The following UTRN variants were observed in gnomAD, a reference collection of about 807,000 sequenced individuals.
UTRN encodes dystrophin-related protein 1.
Under a neutral mutation model 463.9 loss-of-function variants are expected in UTRN, and 283 were observed. The observed-to-expected ratio is 0.61, with a 90% CI of 0.55 to 0.67. The LOEUF (loss-of-function observed/expected upper bound fraction) is 0.67, where lower values mean the gene tolerates loss of function less well. Among genes scored for constraint, UTRN ranks in the 30% least tolerant of loss-of-function variants. UTRN has a pLI of 0.00. For missense variants in UTRN, 3,922 were observed against 4,084.3 expected (o/e 0.96, Z 1.08); for synonymous variants, 1,442 against 1,431.5 (o/e 1.01, Z -0.17).
At chr6:144,800,523 A>G (rs1183017140) in intron 64 of UTRN, among the ~76,000 whole-genome samples, 1 of 152,160 alleles carries the variant, frequency 6.6e-6, no homozygotes, top group Admixed American at 6.5e-5. Flanking sequence ...GTGTATTGAG[A>G]AGTAGCTCTG....
rs2066054 is a variant in UTRN, at chr6:144,827,554, A to C, written c.9534-57A>C. 0.51 allele frequency: 815,951 copies of C among 1,605,664 alleles called. 224,322 individuals are homozygous for C. The highest frequency in any genetic ancestry group is 0.97 in the East Asian group (43,413 of 44,658). ...ACTTAAGTAACCTAACATTTCTAAT[A>C]GTAACACCTATCAATATTTGGGCAT... On this transcript the variant is annotated intron_variant, in intron 67 of 74. Coordinates refer to ENST00000367545, the MANE Select transcript of UTRN (RefSeq NM_007124.3).
Position 144,486,546 on chromosome 6 carries a change from G to A in UTRN, c.3823-1002G>A, listed in dbSNP as rs7755880. Among the ~76,000 whole-genome samples, 1,435 of 152,000 alleles carry A rather than the reference G, an allele frequency of 9.4e-3. 25 individuals carry two copies. The highest frequency in any genetic ancestry group is 0.032 in the African/African-American group (1,329 of 41,452). ...CTTATTTATCTTTTTATTTGAGATG[G>A]AATCTTGCTATGTTGCCCAGGCTGG... On this transcript the variant is annotated intron_variant, in intron 28 of 74. Coordinates refer to ENST00000367545, the MANE Select transcript of UTRN (RefSeq NM_007124.3).
chr6:144,332,593 A>G (rs1584314378), intron 2 of UTRN, among the ~76,000 whole-genome samples: 2 of 152,172 alleles, frequency 1.3e-5, no homozygotes, highest in East Asian at 3.8e-4. Context: ...AGGATTCTTT[A>G]AATTGAATAT....
chr6:144,669,596 A>G (rs986458732), intron 51 of UTRN, among the ~76,000 whole-genome samples: 1 of 152,090 alleles, frequency 6.6e-6, no homozygotes, highest in Non-Finnish European at 1.5e-5. Context: ...GCTTTTTAAA[A>G]TTGCAGTAGT....
chr6:144,700,907 A>G (rs1315827073), intron 53 of UTRN, among the ~76,000 whole-genome samples: 1 of 124,112 alleles, frequency 8.1e-6, no homozygotes, highest in Non-Finnish European at 1.7e-5. Flanking sequence ...CTAATTTTGT[A>G]TTTTGTATTT....
At chr6:144,608,430 A>G (rs1383310683) in intron 51 of UTRN, among the ~76,000 whole-genome samples, 1 of 152,204 alleles carries the variant, frequency 6.6e-6, no homozygotes, top group African/African-American at 2.4e-5. Flanking sequence ...CCTCTCTCCC[A>G]GAAATTCAAC....
At chr6:144,656,029 G>A (rs2128669577) in intron 51 of UTRN, among the ~76,000 whole-genome samples, 2 of 152,112 alleles carry the variant, frequency 1.3e-5, no homozygotes, top group Middle Eastern at 6.8e-3. Context: ...GCTTCTCTGT[G>A]GTTCTGGAAC....
At chr6:144,637,250 G>A (rs1292242885) in intron 51 of UTRN, among the ~76,000 whole-genome samples, 2 of 152,146 alleles carry the variant, frequency 1.3e-5, no homozygotes, top group African/African-American at 4.8e-5. Context: ...GATTACAGGC[G>A]TGAGCCACTG....
intron 2 of UTRN, among the ~76,000 whole-genome samples, chr6:144,345,281 G>A (rs1777469165): frequency 6.6e-6 from 1 of 152,178 alleles, no homozygotes; most frequent in Non-Finnish European, 1.5e-5. Context: ...TGGCATAGGA[G>A]ACTGGTGTGC....
At chr6:144,835,702 T>C in intron 69 of UTRN, 78 bp from the exon 70 acceptor site, 6 of 1,575,994 alleles carry the variant, frequency 3.8e-6, no homozygotes, top group Non-Finnish European at 5.2e-6. Flanking sequence ...CTGTCCATCA[T>C]TATTTCTACT....
chr6:144,741,790 G>A (rs6915534), intron 54 of UTRN, among the ~76,000 whole-genome samples: 1,856 of 152,224 alleles, frequency 0.012, 35 homozygotes, highest in African/African-American at 0.041. Context: ...TTGGAGTTGC[G>A]TCTGTCTAGT....
intron 52 of UTRN, among the ~76,000 whole-genome samples, chr6:144,681,643 A>T (rs921462315): frequency 6.6e-6 from 1 of 151,964 alleles, no homozygotes; most frequent in South Asian, 2.1e-4. Context: ...GTGGAAAAAG[A>T]ACTGAGTCTA....
chr6:144,545,713 A>C (rs1408835540), intron 46 of UTRN, among the ~76,000 whole-genome samples: 1 of 151,902 alleles, frequency 6.6e-6, no homozygotes, highest in Admixed American at 6.6e-5. Flanking sequence ...ACACACATCC[A>C]TTTTCCTGAT....
Position 144,635,138 on chromosome 6 carries a change from G to GTT in UTRN, c.7480-43248_7480-43247dup, listed in dbSNP as rs149100143. Among the ~76,000 whole-genome samples the GTT allele has an allele frequency of 8.1e-3, 833 of 102,874 alleles. 5 individuals carry two copies. Among genetic ancestry groups the GTT allele is most frequent in the Middle Eastern group, 0.011 (2 of 180 alleles). The allele number at this position is 102,874 out of a possible 152,430, so 67.5% of individuals were successfully genotyped here. Reference sequence around the variant, plus strand: ...ATCTAAAACCTCCAGTTATTTGTGTGTTTTTTTTTTTTTTTTTTTTTGGAG... The same window carrying GTT: ...ATCTAAAACCTCCAGTTATTTGTGTGTTTTTTTTTTTTTTTTTTTTTTTGGAG... On this transcript the variant is annotated intron_variant, in intron 51 of 74. Coordinates refer to ENST00000367545, the MANE Select transcript of UTRN (RefSeq NM_007124.3).
At position 144,781,930 on chromosome 6, in the gene UTRN, T is replaced by C; in HGVS notation, c.8641T>C (p.Leu2881=). ...RLQKALCLDL[L]ELSTTNEIFK... ...TCTTCTCTCCTGGTTAGTGGATCTC[T>C]TAGAGTTGAGTACAACAAATGAAAT... is the stretch of plus-strand genomic sequence containing the variant. The change falls in exon 61 of 75, where the codon TTA becomes CTA. Residue 2881 remains leucine (L), a synonymous_variant. Coordinates refer to ENST00000367545, the MANE Select transcript of UTRN (RefSeq NM_007124.3). The C allele has an allele frequency of 6.2e-7, 1 of 1,613,704 alleles. No homozygotes were observed. Among genetic ancestry groups the C allele is most frequent in the East Asian group, 2.2e-5 (1 of 44,822 alleles).
intron 2 of UTRN, among the ~76,000 whole-genome samples, chr6:144,298,020 C>T (rs1402536826): frequency 6.6e-6 from 1 of 152,148 alleles, no homozygotes; most frequent in East Asian, 1.9e-4. Context: ...ACATGCAAGA[C>T]TATTTGAGCA....
At chr6:144,331,781 G>C (rs773802309) in intron 2 of UTRN, among the ~76,000 whole-genome samples, 1 of 152,230 alleles carries the variant, frequency 6.6e-6, no homozygotes, top group East Asian at 1.9e-4. Flanking sequence ...ATAAACTCCC[G>C]GAGTTTTGCT....
Position 144,403,899 on chromosome 6 carries a change from C to T in UTRN, c.141+715C>T, listed in dbSNP as rs1158266045. On this transcript the variant is annotated intron_variant, in intron 3 of 74. Transcript: ENST00000367545. ...TCAGGATAACAGATTGTTTAGGACT[C>T]TTCTACAACAAGATGAAAAATAGAA... 4.6e-5 allele frequency among the ~76,000 whole-genome samples: 7 copies of T among 152,232 alleles called. No individual in the cohort carries two copies. In the East Asian group the frequency reaches 1.3e-3, roughly 29 times the overall value.
intron 3 of UTRN, among the ~76,000 whole-genome samples, chr6:144,416,270 C>T (rs1784357856): frequency 6.6e-6 from 1 of 152,118 alleles, no homozygotes; most frequent in South Asian, 2.1e-4. Context: ...TTACAGTTAC[C>T]AGGAGGTTAT....
Sources: allele counts gnomAD v4.1 joint callset (sites outside exome capture counted in the v4.1 genomes callset), GRCh38; gene constraint gnomAD v4.1.1; transcripts MANE v1.5; gene names NCBI Gene and HGNC (gene_info 2026-07-23, HGNC 2026-07-21).